Variants in AKT3 observed in about 807,000 individuals in gnomAD.
AKT3 encodes the protein RAC-gamma serine/threonine-protein kinase.
In AKT3, 15 loss-of-function variants were observed where a neutral mutation model predicts 65.3. The ratio of observed to expected loss-of-function variants is 0.23; its 90% CI spans 0.15 to 0.35. The LOEUF is 0.35. AKT3 is among the 10% of genes least tolerant of loss of function. The pLI, the probability that AKT3 is intolerant of heterozygous loss-of-function variation, is 1.00. For synonymous variants in AKT3, 206 were observed against 183.8 expected, an observed-to-expected ratio of 1.12 and a Z score of -0.98; for missense variants, 243 against 576.5, an observed-to-expected ratio of 0.42 and a Z score of 5.92.
intron 2 of AKT3, among the ~76,000 whole-genome samples, chr1:243,828,609 C>T (rs997543894): frequency 6.6e-6 from 1 of 152,116 alleles, no homozygotes; most frequent in African/African-American, 2.4e-5. Flanking sequence ...TCCACTTCCC[C>T]TTGATGAAAA....
intron 10 of AKT3, among the ~76,000 whole-genome samples, chr1:243,561,525 T>C (rs891509135): frequency 2.0e-5 from 3 of 152,186 alleles, no homozygotes; most frequent in Admixed American, 6.6e-5. Flanking sequence ...TCTGATCTTA[T>C]GATCCCTCAC....
At chr1:243,551,857 T>G (rs1414206040) in intron 11 of AKT3, among the ~76,000 whole-genome samples, 1 of 152,148 alleles carries the variant, frequency 6.6e-6, no homozygotes, top group African/African-American at 2.4e-5. Flanking sequence ...CTGTAGCTCA[T>G]TGAACAAAGC....
intron 4 of AKT3, among the ~76,000 whole-genome samples, chr1:243,663,547 C>T (rs533453971): frequency 2.1e-4 from 32 of 152,122 alleles, no homozygotes; most frequent in Middle Eastern, 3.4e-3. Flanking sequence ...GGCCTAATTA[C>T]GTCTGCACAT....
intron 2 of AKT3, among the ~76,000 whole-genome samples, chr1:243,775,818 A>G (rs1690510564): frequency 6.6e-6 from 1 of 152,214 alleles, no homozygotes; most frequent in East Asian, 1.9e-4. Flanking sequence ...TTATTTATAG[A>G]CATAAAAATG....
intron 12 of AKT3, among the ~76,000 whole-genome samples, chr1:243,537,300 A>G (rs562123371): frequency 6.6e-6 from 1 of 151,876 alleles, no homozygotes; most frequent in Admixed American, 6.6e-5. Context: ...AATCATTTCC[A>G]CAGCTCTAAT....
chr1:243,546,688 A>C (rs1284220359), intron 11 of AKT3: 1 of 152,044 alleles, frequency 6.6e-6, no homozygotes, highest in Non-Finnish European at 1.5e-5. Context: ...TGCCTGACCT[A>C]GCCACCACCA....
intron 12 of AKT3, among the ~76,000 whole-genome samples, chr1:243,512,973 T>C (rs1323454309): frequency 6.6e-6 from 1 of 152,230 alleles, no homozygotes; most frequent in Non-Finnish European, 1.5e-5. Flanking sequence ...AAGGGTTTCC[T>C]GGTAGCCCCT....
chr1:243,638,559 G>A (rs1273027513), intron 5 of AKT3, among the ~76,000 whole-genome samples: 1 of 151,918 alleles, frequency 6.6e-6, no homozygotes, highest in African/African-American at 2.4e-5. Context: ...TCATTTTTGT[G>A]GACTTGCCTC....
intron 6 of AKT3, among the ~76,000 whole-genome samples, chr1:243,629,300 A>G (rs938439921): frequency 4.6e-5 from 7 of 152,096 alleles, no homozygotes; most frequent in African/African-American, 1.7e-4. Context: ...TAAACAAAAT[A>G]AATAATAAAT....
chr1:243,499,622 C>T, downstream of AKT3: 1 of 745,388 alleles, frequency 1.3e-6, no homozygotes, highest in Non-Finnish European at 2.4e-6. Flanking sequence ...CATATAATTT[C>T]CACATTTTTA....
At chr1:243,661,199 A>T (rs1682294587) in intron 4 of AKT3, among the ~76,000 whole-genome samples, 2 of 152,208 alleles carry the variant, frequency 1.3e-5, no homozygotes, top group Admixed American at 1.3e-4. Flanking sequence ...CAGAATTGGA[A>T]AAAACTACTT....
intron 6 of AKT3, among the ~76,000 whole-genome samples, chr1:243,615,721 T>C (rs1019291509): frequency 6.6e-6 from 1 of 152,010 alleles, no homozygotes; most frequent in African/African-American, 2.4e-5. Flanking sequence ...TTTCTGCTTG[T>C]GGCTTTTTAA....
intron 12 of AKT3, among the ~76,000 whole-genome samples, chr1:243,539,153 C>T (rs1286764919): frequency 6.6e-6 from 1 of 151,986 alleles, no homozygotes; most frequent in East Asian, 1.9e-4. Flanking sequence ...TTGCATGGGC[C>T]CACGTACACC....
chr1:243,526,171 T>C (rs577850997), intron 12 of AKT3, among the ~76,000 whole-genome samples: 4 of 152,058 alleles, frequency 2.6e-5, no homozygotes, highest in South Asian at 4.2e-4. Flanking sequence ...GGACAGTAAG[T>C]TGAGAAGCGA....
chr1:243,582,792 T>A (rs1404052647), intron 8 of AKT3, among the ~76,000 whole-genome samples: 2 of 151,934 alleles, frequency 1.3e-5, no homozygotes, highest in African/African-American at 4.8e-5. Context: ...TCTAAACACC[T>A]CACTTAAAAG....
chr1:243,694,818 A>G (rs747628978), intron 3 of AKT3, among the ~76,000 whole-genome samples: 7 of 151,926 alleles, frequency 4.6e-5, no homozygotes, highest in Non-Finnish European at 8.8e-5. Flanking sequence ...TGGCTAATAG[A>G]TAACATATAA....
chr1:243,777,721 T>C (rs959873108), intron 2 of AKT3, among the ~76,000 whole-genome samples: 1 of 152,148 alleles, frequency 6.6e-6, no homozygotes, highest in Non-Finnish European at 1.5e-5. Context: ...ATATAAAATA[T>C]ATTAACAGGT....
rs952013344 is a variant in AKT3, at chr1:243,813,364, T to C, written c.46+29761A>G. Among the ~76,000 whole-genome samples the C allele has an allele frequency of 2.6e-5, 4 of 151,900 alleles. No homozygotes were observed. The South Asian group carries it at 8.3e-4, about 32-fold the overall frequency. ...AGTGATATAAAACCCTCAAAAAAAT[T>C]AGAATCAAAATTGGGTTCAGTGTAT... On this transcript the variant is annotated intron_variant, in intron 2 of 13. Transcript: ENST00000673466.
At chr1:243,492,046 G>T (rs572014944) in intron 13 of AKT3, among the ~76,000 whole-genome samples, 60 of 152,222 alleles carry the variant, frequency 3.9e-4, no homozygotes, top group Non-Finnish European at 7.8e-4. Context: ...CCCTGGTGGT[G>T]GGGCTCAGGC....
Sources: allele counts gnomAD v4.1 joint callset (sites outside exome capture counted in the v4.1 genomes callset), GRCh38; gene constraint gnomAD v4.1.1; transcripts MANE v1.5; gene names NCBI Gene and HGNC (gene_info 2026-07-23, HGNC 2026-07-21).